BACH2: variants seen among roughly 807,000 people sequenced by gnomAD.
The protein encoded by BACH2 is transcription regulator protein BACH2.
A neutral mutation model predicts 61.8 loss-of-function variants in BACH2; 5 were observed. The ratio of observed to expected loss-of-function variants is 0.08; its 90% CI spans 0.04 to 0.17. The LOEUF (loss-of-function observed/expected upper bound fraction) is 0.17, where lower values mean the gene tolerates loss of function less well. BACH2 is among the 10% of genes least tolerant of loss of function. BACH2 has a pLI of 1.00. For synonymous variants in BACH2, 446 were observed against 440.1 expected, an observed-to-expected ratio of 1.01 and a Z score of -0.17; for missense variants, 824 against 1,091.1, an observed-to-expected ratio of 0.76 and a Z score of 3.45.
intron 4 of BACH2, among the ~76,000 whole-genome samples, chr6:90,192,674 T>C (rs1404455738): frequency 1.3e-5 from 2 of 152,232 alleles, no homozygotes; most frequent in Non-Finnish European, 2.9e-5. Flanking sequence ...GCTAAGTTTT[T>C]GGCTAAGAGT....
chr6:90,062,934 T>C, intron 5 of BACH2: 1 of 985,318 alleles, frequency 1.0e-6, no homozygotes, highest in South Asian at 4.7e-5. Context: ...ATCTGAGAAG[T>C]CTCTTCCACT....
chr6:89,950,638 A>C lies in BACH2; in HGVS notation c.1468T>G (p.Leu490Val). The change falls in exon 7 of 9, where the codon TTG (leucine) becomes GTG (valine). Residue 490 changes from leucine (L) to valine (V), a missense_variant. This residue lies in a region of BACH2 where 102 missense variants were observed against 98.1 expected (regional missense o/e 1.04). Transcript: ENST00000257749. This position sits in a 1 kb window ranked among gnomAD's most constrained non-coding sequence, Gnocchi z 5.3. ...YSHGGLMADHLPGRMRPNTSC... is the reference protein window; with the variant it reads ...YSHGGLMADHVPGRMRPNTSC... ...GTGTTGGGCCGCATCCTTCCTGGCAAGTGGTCGGCCATCAGCCCACCGTGG... is the reference window on the plus strand; with the variant it reads ...GTGTTGGGCCGCATCCTTCCTGGCACGTGGTCGGCCATCAGCCCACCGTGG... 6.2e-7 allele frequency: 1 copy of C among 1,614,040 alleles called. No individual in the cohort carries two copies. The highest frequency in any genetic ancestry group is 8.5e-7 in the Non-Finnish European group (1 of 1,179,978).
rs750532748 is a variant in BACH2, at chr6:89,951,764, C to T, written c.342G>A (p.Glu114=). 6.8e-6 allele frequency: 11 copies of T among 1,614,240 alleles called. No individual in the cohort carries two copies. The Admixed American group carries it at 1.2e-4, about 17-fold the overall frequency. The stretch of plus-strand genomic sequence containing the variant: ...CCTCCAGGTTGTGCATGCGCAGGAA[C>T]TCAGCACAGCGGATGACCTCGCGGA... ...ENIREVIRCA[E]FLRMHNLEDS... Residue 114 remains glutamate (E), a synonymous_variant, in exon 7 of 9, where the codon GAG becomes GAA. Transcript: ENST00000257749. The surrounding 1 kb of genome is among the most constrained non-coding windows in gnomAD (Gnocchi z 6.4).
At chr6:90,032,007 C>G (rs1779009525) in intron 5 of BACH2, among the ~76,000 whole-genome samples, 1 of 152,018 alleles carries the variant, frequency 6.6e-6, no homozygotes, top group Non-Finnish European at 1.5e-5. Flanking sequence ...CCAAGACAGA[C>G]ATATAGACCA....
chr6:90,085,446 G>T (rs1001867849), intron 5 of BACH2, among the ~76,000 whole-genome samples: 3 of 152,192 alleles, frequency 2.0e-5, no homozygotes, highest in Non-Finnish European at 2.9e-5. Flanking sequence ...CCATCTGGAG[G>T]AACTGGAGCA....
intron 3 of BACH2, among the ~76,000 whole-genome samples, chr6:90,251,428 ACTTT>A (rs1378864170): frequency 6.6e-6 from 1 of 152,186 alleles, no homozygotes; most frequent in Non-Finnish European, 1.5e-5. Context: ...AGCCTTTTGT[ACTTT>A]TCATCCAGCA....
At chr6:89,944,625 C>T (rs1190545564) in intron 7 of BACH2, among the ~76,000 whole-genome samples, 1 of 152,092 alleles carries the variant, frequency 6.6e-6, no homozygotes, top group Admixed American at 6.5e-5. Context: ...AGTCAGATGG[C>T]TCTTCTATTC....
At chr6:90,084,082 G>A (rs1393971655) in intron 5 of BACH2, among the ~76,000 whole-genome samples, 2 of 151,600 alleles carry the variant, frequency 1.3e-5, no homozygotes, top group Admixed American at 6.6e-5. Context: ...TGGTGTGTGC[G>A]GTAGGGTGGG....
intron 6 of BACH2, among the ~76,000 whole-genome samples, chr6:89,977,447 TA>T (rs1273403557): frequency 6.6e-6 from 1 of 152,114 alleles, no homozygotes; most frequent in Non-Finnish European, 1.5e-5. Flanking sequence ...TTGAACTGGG[TA>T]AAAAAACATT....
At chr6:89,998,703 T>A (rs1776982668) in intron 6 of BACH2, among the ~76,000 whole-genome samples, 1 of 151,916 alleles carries the variant, frequency 6.6e-6, no homozygotes, top group South Asian at 2.1e-4. Flanking sequence ...TTTTTTTTTT[T>A]AACTGACCAC....
In BACH2 at chr6:90,072,646, G is replaced by A. The variant is rs146663626; in HGVS notation, c.-13+16315C>T. Reference sequence around the variant, plus strand: ...TTTAGCTTCTCAGTCATCCAACCCCGCCTCTGTGAAAAGTGCACAATGACT... The same window carrying A: ...TTTAGCTTCTCAGTCATCCAACCCCACCTCTGTGAAAAGTGCACAATGACT... On this transcript the variant is annotated intron_variant, in intron 5 of 8. Transcript: ENST00000257749. 4.0e-3 allele frequency among the ~76,000 whole-genome samples: 610 copies of A among 152,116 alleles called. 3 individuals carry two copies. Among genetic ancestry groups the A allele is most frequent in the Non-Finnish European group, 6.7e-3 (453 of 68,006 alleles).
chr6:90,167,212 T>A (rs1401700084), intron 4 of BACH2, among the ~76,000 whole-genome samples: 1 of 152,194 alleles, frequency 6.6e-6, no homozygotes, highest in African/African-American at 2.4e-5. Flanking sequence ...AGTGAAGCTA[T>A]GTGGTAGAGC....
At chr6:89,973,938 T>G (rs1400710876) in intron 6 of BACH2, among the ~76,000 whole-genome samples, 4 of 152,202 alleles carry the variant, frequency 2.6e-5, no homozygotes, top group Non-Finnish European at 5.9e-5. Context: ...GTTATCACTT[T>G]ACATTGCAAT....
intron 3 of BACH2, among the ~76,000 whole-genome samples, chr6:90,210,586 T>C (rs1363411318): frequency 6.6e-6 from 1 of 152,216 alleles, no homozygotes; most frequent in African/African-American, 2.4e-5. Flanking sequence ...ATCTTAAATA[T>C]AAAGCATTAG....
chr6:90,103,029 A>ATAT, intron 4 of BACH2, among the ~76,000 whole-genome samples: 368 of 21,170 alleles, frequency 0.017, 8 homozygotes, highest in Middle Eastern at 0.045. Context: ...ATATATATAT[A>ATAT]TTTTTTTTTT....
intron 5 of BACH2, among the ~76,000 whole-genome samples, chr6:90,086,717 G>A (rs1353942514): frequency 6.6e-6 from 1 of 152,182 alleles, no homozygotes; most frequent in Non-Finnish European, 1.5e-5. Flanking sequence ...GACAGCAAAG[G>A]TCATCCCACA....
At chr6:90,144,543 T>C (rs982228725) in intron 4 of BACH2, among the ~76,000 whole-genome samples, 1 of 152,176 alleles carries the variant, frequency 6.6e-6, no homozygotes, top group South Asian at 2.1e-4. Context: ...AGATCCTGGC[T>C]GGGCCTGCCC....
At chr6:90,112,226 A>T (rs1007918523) in intron 4 of BACH2, among the ~76,000 whole-genome samples, 4 of 152,032 alleles carry the variant, frequency 2.6e-5, no homozygotes, top group African/African-American at 9.7e-5. Context: ...TTATTTATTT[A>T]TTTTTTTGAG....
chr6:90,289,563 C>T (rs933280770), intron 1 of BACH2, among the ~76,000 whole-genome samples: 7 of 152,170 alleles, frequency 4.6e-5, no homozygotes, highest in Non-Finnish European at 1.0e-4. Context: ...TTTGGCTTCC[C>T]TGGGACACAC....
Sources: allele counts gnomAD v4.1 joint callset (sites outside exome capture counted in the v4.1 genomes callset), GRCh38; gene constraint gnomAD v4.1.1; regional missense constraint gnomAD v4.1.1; non-coding constraint Gnocchi (gnomAD v3.1); transcripts MANE v1.5; gene names NCBI Gene and HGNC (gene_info 2026-07-23, HGNC 2026-07-21).